Variants in MRPL1 observed in about 807,000 individuals in gnomAD.
The protein encoded by MRPL1 is mitochondrial ribosomal protein L1.
In MRPL1, 28 loss-of-function variants were observed where a neutral mutation model predicts 38.0. The observed-to-expected ratio is 0.74, with a 90% CI of 0.55 to 1.01. The LOEUF is 1.01. MRPL1 is among the 50% of genes least tolerant of loss of function. The pLI is 0.00. For missense variants in MRPL1, 358 were observed against 389.8 expected, an observed-to-expected ratio of 0.92 and a Z score of 0.69; for synonymous variants, 123 against 126.7, an observed-to-expected ratio of 0.97 and a Z score of 0.20.
chr4:77,916,926 A>G (rs1736436103), intron 7 of MRPL1, among the ~76,000 whole-genome samples: 1 of 152,190 alleles, frequency 6.6e-6, no homozygotes, highest in African/African-American at 2.4e-5. Flanking sequence ...TCATTATCCA[A>G]CAGTGTGTTA....
In MRPL1 at chr4:77,911,260, C is replaced by T. The variant is rs1736281262; in HGVS notation, c.777+1888C>T. On this transcript the variant is annotated intron_variant, in intron 7 of 8. Coordinates refer to ENST00000315567, the MANE Select transcript of MRPL1 (RefSeq NM_020236.4). Reference sequence around the variant, plus strand: ...CTCTTTTTAGCTGGATTAAATCTGTCTTAAGTAATGTTTTCAGTATATTTA... The same window carrying T: ...CTCTTTTTAGCTGGATTAAATCTGTTTTAAGTAATGTTTTCAGTATATTTA... Among the ~76,000 whole-genome samples the T allele has an allele frequency of 1.3e-5, 2 of 152,102 alleles. 1 individual carries two copies. The highest frequency in any genetic ancestry group is 4.8e-5 in the African/African-American group (2 of 41,416).
rs565822114 is a variant in MRPL1, at chr4:77,885,452, C to T, written c.486+113C>T. ...GGCAACCTCGGCTCACTGCAACCTC[C>T]GCCTCCCAGGTTCAAGCGATTCTCC... On this transcript the variant is annotated intron_variant, in intron 4 of 8. Transcript: ENST00000315567. The T allele has an allele frequency of 3.7e-4, 262 of 703,018 alleles. No homozygotes were observed. The African/African-American group carries it at 3.9e-3, about 10-fold the overall frequency. The allele number at this position is 703,018 out of a possible 1,614,324, so 43.5% of individuals were successfully genotyped here. A position where few individuals can be genotyped will look rare whatever the true frequency, so the allele number is the denominator to read the frequency against.
At chr4:77,900,842 TTAAG>T (rs1043791308) in intron 6 of MRPL1, among the ~76,000 whole-genome samples, 18 of 152,170 alleles carry the variant, frequency 1.2e-4, no homozygotes, top group Admixed American at 5.2e-4. Flanking sequence ...TGGTGAAACT[TTAAG>T]AACAGAGACC....
At chr4:77,942,412 T>C (rs190399220) in intron 7 of MRPL1, among the ~76,000 whole-genome samples, 1 of 152,188 alleles carries the variant, frequency 6.6e-6, no homozygotes, top group African/African-American at 2.4e-5. Context: ...ATCCATTGTT[T>C]CTTTGTTGAC....
At chr4:77,927,697 T>A (rs1165187296) in intron 7 of MRPL1, among the ~76,000 whole-genome samples, 2 of 152,050 alleles carry the variant, frequency 1.3e-5, no homozygotes, top group Non-Finnish European at 2.9e-5. Context: ...ATTGAAATGA[T>A]GAAAAACCTC....
intron 7 of MRPL1, among the ~76,000 whole-genome samples, chr4:77,923,473 T>G (rs1180979077): frequency 6.6e-6 from 1 of 152,208 alleles, no homozygotes; most frequent in Non-Finnish European, 1.5e-5. Flanking sequence ...AGATAATTAT[T>G]TTCTATAATC....
chr4:77,952,646 A>G lies in MRPL1; in HGVS notation c.*39A>G. The G allele has an allele frequency of 7.7e-7, 1 of 1,293,632 alleles. No individual in the cohort carries two copies. Among genetic ancestry groups the G allele is most frequent in the South Asian group, 1.2e-5 (1 of 81,816 alleles). 80.1% of individuals were successfully genotyped at this position (1,293,632 alleles called of 1,614,324 possible). ...TGAAATTACTTTCAGTGGTTTAAGA[A>G]GCAATGGAGAAAATGATAATACAGC... On this transcript the variant is annotated 3_prime_UTR_variant, in exon 9 of 9. Coordinates refer to ENST00000315567, the MANE Select transcript of MRPL1 (RefSeq NM_020236.4).
chr4:77,871,390 C>T lies in MRPL1; in HGVS notation c.32-354C>T, dbSNP rs1285555606. Reference sequence around the variant, plus strand: ...CGCTATATCGGCTCACTGCAACCTCCGCCTCCTGGGTTCAAACGATTCTCC... The same window carrying T: ...CGCTATATCGGCTCACTGCAACCTCTGCCTCCTGGGTTCAAACGATTCTCC... On this transcript the variant is annotated intron_variant, in intron 1 of 8. Coordinates refer to ENST00000315567, the MANE Select transcript of MRPL1 (RefSeq NM_020236.4). Among the ~76,000 whole-genome samples, 5 of 151,820 alleles carry T rather than the reference C, an allele frequency of 3.3e-5. No homozygotes were observed. In the East Asian group the frequency reaches 7.7e-4, roughly 24 times the overall value.
At chr4:77,942,200 A>G (rs1737152624) in intron 7 of MRPL1, among the ~76,000 whole-genome samples, 1 of 152,174 alleles carries the variant, frequency 6.6e-6, no homozygotes, top group East Asian at 1.9e-4. Flanking sequence ...GTTGATTTCT[A>G]CTTTTATTCC....
At chr4:77,872,000 A>ACTAT in intron 2 of MRPL1, 145 bp downstream of exon 2, 1 of 619,520 alleles carries the variant, frequency 1.6e-6, no homozygotes, top group Non-Finnish European at 2.8e-6. Flanking sequence ...GTCCTGAAGG[A>ACTAT]AAGATAAGAC....
At chr4:77,914,971 G>GGATAGCTACAGAGAC (rs1736386789) in intron 7 of MRPL1, among the ~76,000 whole-genome samples, 1 of 152,088 alleles carries the variant, frequency 6.6e-6, no homozygotes, top group South Asian at 2.1e-4. Context: ...AAAAAATAAA[G>GGATAGCTACAGAGAC]GATAGCTACA....
intron 7 of MRPL1, among the ~76,000 whole-genome samples, chr4:77,922,596 T>C (rs1736604640): frequency 6.6e-6 from 1 of 152,190 alleles, no homozygotes; most frequent in Non-Finnish European, 1.5e-5. Context: ...CTTGGACCTA[T>C]TCATTAACAG....
chr4:77,870,955 T>C (rs1291415580), intron 1 of MRPL1, among the ~76,000 whole-genome samples: 1 of 152,210 alleles, frequency 6.6e-6, no homozygotes. Flanking sequence ...TCTTCAGAAG[T>C]ACTTGGGCAA....
intron 7 of MRPL1, among the ~76,000 whole-genome samples, chr4:77,912,206 C>T (rs1736306253): frequency 2.6e-5 from 4 of 152,122 alleles, no homozygotes; most frequent in Non-Finnish European, 5.9e-5. Context: ...TCCGTCTCAC[C>T]ACTGCTTCTT....
intron 2 of MRPL1, among the ~76,000 whole-genome samples, chr4:77,875,942 A>G (rs1299011053): frequency 2.6e-5 from 4 of 152,078 alleles, no homozygotes; most frequent in Non-Finnish European, 5.9e-5. Context: ...CTTGGATACC[A>G]TCAATCTTCA....
At chr4:77,924,055 GT>G (rs1053525649) in intron 7 of MRPL1, among the ~76,000 whole-genome samples, 5 of 151,632 alleles carry the variant, frequency 3.3e-5, no homozygotes, top group Admixed American at 6.6e-5. Flanking sequence ...AATGCAGTGA[GT>G]TTTTTTTCCC....
At chr4:77,933,717 A>C (rs1446730605) in intron 7 of MRPL1, among the ~76,000 whole-genome samples, 1 of 152,244 alleles carries the variant, frequency 6.6e-6, no homozygotes, top group Non-Finnish European at 1.5e-5. Flanking sequence ...AATTACTTAA[A>C]GAAATAATGG....
At chr4:77,948,127 T>G (rs930750998) in intron 7 of MRPL1, among the ~76,000 whole-genome samples, 4 of 152,190 alleles carry the variant, frequency 2.6e-5, no homozygotes, top group Non-Finnish European at 5.9e-5. Context: ...CAATATAGAT[T>G]ATAACTGTTT....
chr4:77,888,476 C>A (rs980215256), intron 5 of MRPL1, among the ~76,000 whole-genome samples: 1 of 151,994 alleles, frequency 6.6e-6, no homozygotes, highest in African/African-American at 2.4e-5. Context: ...ACACTCCAGC[C>A]TAGGCAACAG....
Sources: allele counts gnomAD v4.1 joint callset (sites outside exome capture counted in the v4.1 genomes callset), GRCh38; gene constraint gnomAD v4.1.1; transcripts MANE v1.5; gene names NCBI Gene and HGNC (gene_info 2026-07-23, HGNC 2026-07-21).